Variants in DOK6 observed in about 807,000 individuals in gnomAD.
The protein encoded by DOK6 is docking protein 6.
Under a neutral mutation model 44.0 loss-of-function variants are expected in DOK6, and 22 were observed. That is an observed-to-expected ratio of 0.50 (90% CI 0.36 to 0.71). DOK6 has a LOEUF of 0.71. Ranked by LOEUF, DOK6 falls within the 30% of genes least tolerant of loss-of-function variation. The pLI, the probability that DOK6 is intolerant of heterozygous loss-of-function variation, is 0.00. For missense variants in DOK6, 340 were observed against 416.4 expected (o/e 0.82, Z 1.60); for synonymous variants, 166 against 145.5 (o/e 1.14, Z -1.01).
chr18:69,741,108 G>A, intron 6 of DOK6, among the ~76,000 whole-genome samples: 1 of 152,080 alleles, frequency 6.6e-6, no homozygotes, highest in East Asian at 1.9e-4. Flanking sequence ...CACAGGCGTG[G>A]GTGCCAATAT....
chr18:69,435,425 G>C (rs1047977520), intron 1 of DOK6, among the ~76,000 whole-genome samples: 1 of 152,180 alleles, frequency 6.6e-6, no homozygotes, highest in South Asian at 2.1e-4. Context: ...GGTTGATTTA[G>C]TAAACAGGCA....
rs571869495 is a variant in DOK6, at chr18:69,495,003, T to G, written c.67-69484T>G. ...GCCAGGTGTGGAGCAGCAAGGGGTGTGTGAGGGAGCAAGCATTGGGTCCAG... is the reference window on the plus strand; with the variant it reads ...GCCAGGTGTGGAGCAGCAAGGGGTGGGTGAGGGAGCAAGCATTGGGTCCAG... On this transcript the variant is annotated intron_variant, in intron 1 of 7. Coordinates refer to ENST00000382713, the MANE Select transcript of DOK6 (RefSeq NM_152721.6). Among the ~76,000 whole-genome samples, 5 of 152,244 alleles carry G rather than the reference T, an allele frequency of 3.3e-5. No individual in the cohort carries two copies. The South Asian group carries it at 1.0e-3, about 32-fold the overall frequency.
chr18:69,796,066 G>A (rs1244103008), intron 7 of DOK6, among the ~76,000 whole-genome samples: 2 of 152,186 alleles, frequency 1.3e-5, no homozygotes, highest in Non-Finnish European at 2.9e-5. Context: ...TCTGGGCAGC[G>A]GCAGTGCAGG....
intron 1 of DOK6, among the ~76,000 whole-genome samples, chr18:69,509,617 A>G (rs555508631): frequency 3.9e-3 from 569 of 146,890 alleles, no homozygotes; most frequent in South Asian, 8.4e-3. Flanking sequence ...CAGCCTGGGC[A>G]ACAGAGCTAG....
At chr18:69,552,210 A>G (rs1469015337) in intron 1 of DOK6, among the ~76,000 whole-genome samples, 3 of 152,196 alleles carry the variant, frequency 2.0e-5, no homozygotes, top group African/African-American at 4.8e-5. Flanking sequence ...ATTTTTATAT[A>G]TTAATCAAGA....
At chr18:69,630,927 C>G (rs974637723) in intron 3 of DOK6, among the ~76,000 whole-genome samples, 2 of 152,278 alleles carry the variant, frequency 1.3e-5, no homozygotes, top group African/African-American at 4.8e-5. Context: ...CCCCAAGTAA[C>G]TTGCCAAGTT....
intron 3 of DOK6, among the ~76,000 whole-genome samples, chr18:69,629,144 C>T (rs1197856472): frequency 3.3e-5 from 5 of 152,176 alleles, no homozygotes; most frequent in Non-Finnish European, 5.9e-5. Flanking sequence ...GCCAAATTAA[C>T]CTGGCAGCTG....
intron 1 of DOK6, among the ~76,000 whole-genome samples, chr18:69,535,217 T>A (rs1332215785): frequency 1.3e-5 from 2 of 152,088 alleles, no homozygotes; most frequent in African/African-American, 4.8e-5. Context: ...TTTCAAAAAA[T>A]TTATATTTTC....
intron 1 of DOK6, among the ~76,000 whole-genome samples, chr18:69,561,148 G>A (rs568182026): frequency 3.9e-4 from 60 of 152,204 alleles, no homozygotes; most frequent in Admixed American, 9.8e-4. Context: ...TAGAACATAA[G>A]CCCATCTTGG....
At chr18:69,482,109 G>C (rs1337930037) in intron 1 of DOK6, among the ~76,000 whole-genome samples, 1 of 152,124 alleles carries the variant, frequency 6.6e-6, no homozygotes, top group Non-Finnish European at 1.5e-5. Flanking sequence ...GTTCATTTTA[G>C]ATTCTGGGTA....
rs577739751 is a variant in DOK6 at position 69,526,036 on chromosome 18, T to G, written c.67-38451T>G. On this transcript the variant is annotated intron_variant, in intron 1 of 7. Transcript: ENST00000382713. ...TATTATTTTAAAATACAACTACACA[T>G]ACTCCTACATCCCTCATTAAATTGT... Among the ~76,000 whole-genome samples, 7 of 152,220 alleles carry G rather than the reference T, an allele frequency of 4.6e-5. No individual in the cohort carries two copies. The East Asian group carries it at 1.3e-3, about 29-fold the overall frequency.
intron 6 of DOK6, among the ~76,000 whole-genome samples, chr18:69,751,127 G>A (rs1263939543): frequency 2.0e-5 from 3 of 152,196 alleles, no homozygotes; most frequent in Non-Finnish European, 4.4e-5. Context: ...GGGAGATGAC[G>A]GTCAAAGGGT....
At chr18:69,442,901 T>C (rs1054587973) in intron 1 of DOK6, among the ~76,000 whole-genome samples, 25 of 152,238 alleles carry the variant, frequency 1.6e-4, no homozygotes, top group African/African-American at 5.5e-4. Flanking sequence ...GGATCATTTA[T>C]TTCTCACTGC....
chr18:69,445,047 A>C (rs1488842198), intron 1 of DOK6, among the ~76,000 whole-genome samples: 1 of 152,072 alleles, frequency 6.6e-6, no homozygotes, highest in African/African-American at 2.4e-5. Flanking sequence ...CAAGTCTTGC[A>C]TATTCTTGGT....
At chr18:69,592,877 T>A (rs144190587) in intron 2 of DOK6, among the ~76,000 whole-genome samples, 2 of 152,172 alleles carry the variant, frequency 1.3e-5, no homozygotes, top group South Asian at 4.1e-4. Context: ...TTGACAGGTT[T>A]TAGACTAATA....
chr18:69,569,142 G>T (rs1204563970), intron 2 of DOK6, among the ~76,000 whole-genome samples: 3 of 151,980 alleles, frequency 2.0e-5, no homozygotes. Context: ...AACAACCACA[G>T]AAAGATTCGG....
intron 5 of DOK6, among the ~76,000 whole-genome samples, chr18:69,719,535 A>G (rs1039383783): frequency 1.2e-4 from 19 of 152,238 alleles, no homozygotes; most frequent in Non-Finnish European, 2.1e-4. Context: ...ACTAAGGAAC[A>G]ATGGCTGGTT....
Position 69,577,234 on chromosome 18 carries a change from T to A in DOK6, c.174+12640T>A, listed in dbSNP as rs138496233. ...CATTGGTAAATGCAGAAATGGCACATGGGCATAATGTTCTGTTGGACACTC... is the reference window on the plus strand; with the variant it reads ...CATTGGTAAATGCAGAAATGGCACAAGGGCATAATGTTCTGTTGGACACTC... On this transcript the variant is annotated intron_variant, in intron 2 of 7. Coordinates refer to ENST00000382713, the MANE Select transcript of DOK6 (RefSeq NM_152721.6). Among the ~76,000 whole-genome samples, 62 of 152,236 alleles carry A rather than the reference T, an allele frequency of 4.1e-4. 2 individuals carry two copies. In the East Asian group the frequency reaches 9.5e-3, roughly 23 times the overall value.
intron 3 of DOK6, chr18:69,661,397 G>C (rs2043322068): frequency 6.6e-6 from 1 of 152,146 alleles, no homozygotes; most frequent in African/African-American, 2.4e-5. Context: ...TTGGGAGTTA[G>C]GTTTCCACAT....
Sources: gnomAD v4.1 joint callset for allele counts (sites outside exome capture counted in the v4.1 genomes callset) on GRCh38, gnomAD v4.1.1 for gene constraint, MANE v1.5 for transcripts, NCBI Gene and HGNC (gene_info 2026-07-23, HGNC 2026-07-21) for gene names.